Variants in TSPEAR observed in about 807,000 individuals in gnomAD.
TSPEAR encodes the protein thrombospondin type laminin G domain and EAR repeats, also known as thrombospondin-type laminin G domain and EAR repeat-containing protein.
TSPEAR carries 69 observed loss-of-function variants against 71.6 expected under a neutral mutation model. That is an observed-to-expected ratio of 0.96 (90% confidence interval 0.79 to 1.18). The LOEUF is 1.18. Ranked by LOEUF, TSPEAR falls within the 50% of genes most tolerant of loss-of-function variation. The pLI is 0.00. For synonymous variants in TSPEAR, 402 were observed against 387.2 expected (o/e 1.04, Z -0.45); for missense variants, 971 against 894.9 (o/e 1.09, Z -1.09).
chr21:44,647,283 C>T (rs782788372), intron 1 of TSPEAR: 1 of 1,612,016 alleles, frequency 6.2e-7, no homozygotes. Context: ...CCTGCGTGTC[C>T]CTCCTCTGCC....
rs1986923196 is a variant in TSPEAR at position 44,687,712 on chromosome 21, A to G, written c.82+23721T>C. Among the ~76,000 whole-genome samples the G allele has an allele frequency of 6.6e-6, 1 of 152,216 alleles. No individual in the cohort carries two copies. The highest frequency in any genetic ancestry group is 2.4e-5 in the African/African-American group (1 of 41,464). On this transcript the variant is annotated intron_variant, in intron 1 of 11. Transcript: ENST00000323084. This position sits in a 1 kb window ranked among gnomAD's most constrained non-coding sequence, Gnocchi z 4.4. The stretch of plus-strand genomic sequence containing the variant: ...TCCTGATGGGGGTCCTCTCCCAGCC[A>G]GGAGGGAAGCCAGGACCACCCTCTC...
At position 44,603,970 on chromosome 21, in the gene TSPEAR, C is replaced by T. The variant is rs938208963; in HGVS notation, c.83-35965G>A. Reference sequence around the variant, plus strand: ...CCACCTGTGGGGCATCACGGGGAGACTGCGGGCTCACTGTCTCCCTCCTGG... The same window carrying T: ...CCACCTGTGGGGCATCACGGGGAGATTGCGGGCTCACTGTCTCCCTCCTGG... On this transcript the variant is annotated intron_variant, in intron 1 of 11. Coordinates refer to ENST00000323084, the MANE Select transcript of TSPEAR (RefSeq NM_144991.3). Among the ~76,000 whole-genome samples the T allele has an allele frequency of 2.6e-5, 4 of 151,850 alleles. No homozygotes were observed. The South Asian group carries it at 6.3e-4, about 24-fold the overall frequency.
At chr21:44,674,738 GTGT>G (rs1986224761) in intron 1 of TSPEAR, among the ~76,000 whole-genome samples, 1 of 40,314 alleles carries the variant, frequency 2.5e-5, no homozygotes, top group African/African-American at 2.5e-4. Context: ...TAAAGTGTGT[GTGT>G]GTGTGTGTGT....
At chr21:44,525,865 G>A (rs35449326) in intron 7 of TSPEAR, 26 bp from the exon 8 acceptor site, 22 of 1,612,572 alleles carry the variant, frequency 1.4e-5, no homozygotes, top group African/African-American at 8.0e-5. Context: ...CCGGGACCAC[G>A]TGGTTCTGCT....
At chr21:44,626,021 A>T (rs782134962) in intron 1 of TSPEAR, among the ~76,000 whole-genome samples, 7 of 152,202 alleles carry the variant, frequency 4.6e-5, no homozygotes, top group African/African-American at 7.2e-5. Context: ...CCCTGTGGGG[A>T]CAGGTCTGAC....
chr21:44,684,779 G>A (rs1302550995), intron 1 of TSPEAR, among the ~76,000 whole-genome samples: 1 of 152,216 alleles, frequency 6.6e-6, no homozygotes, highest in Non-Finnish European at 1.5e-5. Context: ...GATGGGGGAA[G>A]GTAAAGGAGC....
Position 44,592,539 on chromosome 21 carries a change from C to G in TSPEAR, c.83-24534G>C, listed in dbSNP as rs1173697345. 10 of 1,555,328 alleles carry G rather than the reference C, an allele frequency of 6.4e-6. No individual in the cohort carries two copies. The Admixed American group carries it at 1.5e-4, about 23-fold the overall frequency. ...AGTGAGCCTGTGAGGTGCTGAGGCT[C>G]TCGGGCTTTTATTCCACCTGGCCTT... On this transcript the variant is annotated intron_variant, in intron 1 of 11. Coordinates refer to ENST00000323084, the MANE Select transcript of TSPEAR (RefSeq NM_144991.3).
intron 1 of TSPEAR, chr21:44,601,024 T>G (rs1285452122): frequency 3.7e-6 from 6 of 1,612,552 alleles, no homozygotes; most frequent in Non-Finnish European, 5.1e-6. Context: ...GGATTCTTCA[T>G]GCTGCCAGCA....
intron 9 of TSPEAR, chr21:44,518,869 C>T (rs1391911103): frequency 1.4e-5 from 5 of 357,520 alleles, no homozygotes; most frequent in Non-Finnish European, 2.8e-5. Flanking sequence ...GGCGCACGTT[C>T]ATGTCAGGGC....
At chr21:44,626,136 A>G (rs1190845784) in intron 1 of TSPEAR, among the ~76,000 whole-genome samples, 1 of 152,278 alleles carries the variant, frequency 6.6e-6, no homozygotes, top group Non-Finnish European at 1.5e-5. Flanking sequence ...GTCTTACTTT[A>G]TAATGAAATA....
intron 1 of TSPEAR, chr21:44,697,876 C>A (rs891265466): frequency 6.2e-7 from 1 of 1,603,578 alleles, no homozygotes; most frequent in Non-Finnish European, 8.5e-7. Context: ...AGCCAAGCTG[C>A]GGCCGCCTGG....
intron 1 of TSPEAR, among the ~76,000 whole-genome samples, chr21:44,706,415 ACACACGCGCG>A (rs1192112504): frequency 6.6e-6 from 1 of 151,024 alleles, no homozygotes; most frequent in Non-Finnish European, 1.5e-5. Flanking sequence ...ACCCATGCAC[ACACACGCGCG>A]CACACACCCA....
At chr21:44,543,115 T>A (rs1173708984) in intron 2 of TSPEAR, among the ~76,000 whole-genome samples, 1 of 147,630 alleles carries the variant, frequency 6.8e-6, no homozygotes, top group African/African-American at 2.5e-5. Flanking sequence ...ACCAGCAGGA[T>A]CTGCACTACA....
chr21:44,555,387 C>T (rs1406839384), intron 2 of TSPEAR, among the ~76,000 whole-genome samples: 6 of 152,178 alleles, frequency 3.9e-5, no homozygotes, highest in South Asian at 2.1e-4. Flanking sequence ...CAAGGGGTGA[C>T]GGCACACAGC....
At chr21:44,672,320 C>G (rs1214027297) in intron 1 of TSPEAR, among the ~76,000 whole-genome samples, 1 of 152,234 alleles carries the variant, frequency 6.6e-6, no homozygotes, top group Admixed American at 6.5e-5. Context: ...CCTGTAATCC[C>G]AGCACTTTGG....
intron 1 of TSPEAR, among the ~76,000 whole-genome samples, chr21:44,669,141 A>G (rs1175538427): frequency 1.3e-5 from 2 of 152,198 alleles, no homozygotes; most frequent in Admixed American, 1.3e-4. Context: ...CATATATGTA[A>G]TATCAAACTC....
At chr21:44,601,288 C>T (rs672479) in intron 1 of TSPEAR, 5 of 1,608,456 alleles carry the variant, frequency 3.1e-6, no homozygotes, top group Admixed American at 1.7e-5. Flanking sequence ...CACCTCCTCC[C>T]CTTGCCAGCA....
chr21:44,509,230 A>G lies in TSPEAR; in HGVS notation c.1723T>C (p.Phe575Leu). The change falls in exon 10 of 12, where the codon TTT (phenylalanine) becomes CTT (leucine). Residue 575 changes from phenylalanine to leucine, a missense_variant. By Grantham distance (22) the Phe-to-Leu change is conservative. Transcript: ENST00000323084. Reference sequence around the variant, plus strand: ...GTGAGAATGTCCTGGAACTTGACAAAGGCCTGCGCGGTCACGTTCAGCTCG... The same window carrying G: ...GTGAGAATGTCCTGGAACTTGACAAGGGCCTGCGCGGTCACGTTCAGCTCG... ...IYELNVTAQA[F>L]VKFQDILTCS... The G allele has an allele frequency of 6.2e-7, 1 of 1,613,994 alleles. No homozygotes were observed. The highest frequency in any genetic ancestry group is 8.5e-7 in the Non-Finnish European group (1 of 1,179,982).
Position 44,522,040 on chromosome 21 carries a change from G to C in TSPEAR, c.1409C>G (p.Thr470Ser). 1 of 1,614,190 alleles carries C rather than the reference G, an allele frequency of 6.2e-7. No homozygotes were observed. Among genetic ancestry groups the C allele is most frequent in the Non-Finnish European group, 8.5e-7 (1 of 1,180,020 alleles). Residue 470 changes from threonine (T) to serine (S), a missense_variant, in exon 9 of 12, where the codon ACC (threonine) becomes AGC (serine). Thr to Ser is a moderately conservative substitution (Grantham distance 58). Transcript: ENST00000323084. ...PATRLFEANQ[T>S]IATSGAYDWE... ...GTCGTAGGCGCCGGAGGTGGCGATG[G>C]TCTGGTTGGCCTCGAAGAGCCGGGT... is the stretch of plus-strand genomic sequence containing the variant.
Sources: gnomAD v4.1 joint callset for allele counts (sites outside exome capture counted in the v4.1 genomes callset) on GRCh38, gnomAD v4.1.1 for gene constraint, Gnocchi (gnomAD v3.1) non-coding constraint, MANE v1.5 for transcripts, NCBI Gene and HGNC (gene_info 2026-07-23, HGNC 2026-07-21) for gene names.